The following UNC13C variants were observed in gnomAD, a reference collection of about 807,000 sequenced individuals.
UNC13C encodes protein unc-13 homolog C.
UNC13C carries 174 observed loss-of-function variants against 245.4 expected under a neutral mutation model. That is an observed-to-expected ratio of 0.71 (90% CI 0.63 to 0.80). The LOEUF (loss-of-function observed/expected upper bound fraction) is 0.80. Ranked by LOEUF, UNC13C falls within the 30% of genes least tolerant of loss-of-function variation. The pLI is 0.00. For missense variants in UNC13C, 2,829 were observed against 2,602.9 expected, an observed-to-expected ratio of 1.09 and a Z score of -1.89; for synonymous variants, 992 against 895.1, an observed-to-expected ratio of 1.11 and a Z score of -1.93.
intron 17 of UNC13C, among the ~76,000 whole-genome samples, chr15:54,366,207 ATTTCATCTACATATAATT>A (rs1382806402): frequency 2.0e-5 from 3 of 152,176 alleles, no homozygotes; most frequent in Non-Finnish European, 4.4e-5. Flanking sequence ...TATTGCAGAC[ATTTCATCTACATATAATT>A]TGGGTGGTGC....
the UNC13C span, among the ~76,000 whole-genome samples, chr15:53,842,567 T>C: frequency 6.6e-6 from 1 of 152,144 alleles, no homozygotes; most frequent in East Asian, 1.9e-4. Context: ...AGACTTTCGT[T>C]GAATACATGG....
intron 2 of UNC13C, among the ~76,000 whole-genome samples, chr15:54,038,124 A>ATATATATATATATTTTTTTT: frequency 2.2e-5 from 1 of 45,034 alleles, no homozygotes; most frequent in East Asian, 1.1e-3. Flanking sequence ...ATATATATAT[A>ATATATATATATATTTTTTTT]TTTTTTTTTT....
At position 54,500,705 on chromosome 15, in the gene UNC13C, T is replaced by C. The variant is rs79847884; in HGVS notation, c.5158-130T>C. 3.6e-3 allele frequency: 2,588 copies of C among 711,720 alleles called. 51 individuals carry two copies. In the African/African-American group the frequency reaches 0.039, roughly 11 times the overall value. 44.1% of individuals were successfully genotyped at this position (711,720 alleles called of 1,614,324 possible). A position where few individuals can be genotyped will look rare whatever the true frequency, so the allele number is the denominator to read the frequency against. On this transcript the variant is annotated intron_variant, in intron 21 of 32. Coordinates refer to ENST00000260323, the MANE Select transcript of UNC13C (RefSeq NM_001080534.3). ...AGGAGATTAATGATTTTAAAGTGGG[T>C]AAGCATTTTATTACTGGGAAATGTA...
chr15:53,933,930 G>T, the UNC13C span, among the ~76,000 whole-genome samples: 1 of 152,176 alleles, frequency 6.6e-6, no homozygotes, highest in Non-Finnish European at 1.5e-5. Flanking sequence ...AAAGGAAAGA[G>T]TTTTAATTGG....
rs902541806 is a variant in UNC13C at position 54,132,728 on chromosome 15, C to A, written c.2984-10290C>A. 9.8e-5 allele frequency among the ~76,000 whole-genome samples: 15 copies of A among 152,300 alleles called. No individual in the cohort carries two copies. In the East Asian group the frequency reaches 2.9e-3, roughly 30 times the overall value. On this transcript the variant is annotated intron_variant, in intron 2 of 32. Coordinates refer to ENST00000260323, the MANE Select transcript of UNC13C (RefSeq NM_001080534.3). Reference sequence around the variant, plus strand: ...TGTGATGACTTTCAGGCATACTACACATGTATCAAAGTCGTATCTCTTTTA... The same window carrying A: ...TGTGATGACTTTCAGGCATACTACAAATGTATCAAAGTCGTATCTCTTTTA...
At chr15:53,839,303 T>C in the UNC13C span, among the ~76,000 whole-genome samples, 1 of 152,230 alleles carries the variant, frequency 6.6e-6, no homozygotes, top group South Asian at 2.1e-4. Flanking sequence ...ATGAACAGGA[T>C]GAAAGGGCAA....
chr15:54,425,720 AT>A (rs1215373763), intron 19 of UNC13C, among the ~76,000 whole-genome samples: 2 of 151,796 alleles, frequency 1.3e-5, no homozygotes, highest in South Asian at 4.1e-4. Context: ...CTAGCCAGCT[AT>A]TTTTTCCTCT....
intron 8 of UNC13C, among the ~76,000 whole-genome samples, chr15:54,263,020 G>T (rs2036465783): frequency 6.6e-6 from 1 of 152,024 alleles, no homozygotes; most frequent in African/African-American, 2.4e-5. Flanking sequence ...TTTTATTGTA[G>T]AAATTGTGCT....
intron 25 of UNC13C, among the ~76,000 whole-genome samples, chr15:54,531,871 C>T (rs1291759626): frequency 1.3e-5 from 2 of 152,078 alleles, no homozygotes; most frequent in East Asian, 3.9e-4. Flanking sequence ...CACTAATCTC[C>T]TTTCTGTCTC....
At chr15:53,843,122 A>G in the UNC13C span, among the ~76,000 whole-genome samples, 4 of 152,086 alleles carry the variant, frequency 2.6e-5, no homozygotes, top group Non-Finnish European at 5.9e-5. Context: ...CTATTTCTGA[A>G]CAATGAATTG....
At chr15:54,339,484 C>T (rs778321676) in intron 17 of UNC13C, among the ~76,000 whole-genome samples, 1 of 152,104 alleles carries the variant, frequency 6.6e-6, no homozygotes, top group Non-Finnish European at 1.5e-5. Flanking sequence ...ACCCTCATAG[C>T]TTAGCTCCCA....
chr15:53,937,315 C>G, the UNC13C span, among the ~76,000 whole-genome samples: 1 of 152,022 alleles, frequency 6.6e-6, no homozygotes, highest in Non-Finnish European at 1.5e-5. Flanking sequence ...TGAAAAAAGA[C>G]AGGCAGGCAA....
intron 26 of UNC13C, among the ~76,000 whole-genome samples, chr15:54,539,122 G>C (rs1408598299): frequency 6.6e-6 from 1 of 151,930 alleles, no homozygotes; most frequent in South Asian, 2.1e-4. Flanking sequence ...AATAGGTAAG[G>C]ATAAAAAAGA....
At chr15:53,968,521 A>T in the UNC13C span, among the ~76,000 whole-genome samples, 14 of 152,240 alleles carry the variant, frequency 9.2e-5, no homozygotes, top group African/African-American at 3.4e-4. Context: ...GGTTCTTAGT[A>T]TATTCACTGA....
At chr15:54,569,894 C>G (rs1195034870) in intron 30 of UNC13C, among the ~76,000 whole-genome samples, 1 of 151,762 alleles carries the variant, frequency 6.6e-6, no homozygotes, top group East Asian at 1.9e-4. Context: ...CTTGTGGAAA[C>G]TTATTTCCAC....
At chr15:54,518,678 C>T (rs1156254901) in intron 24 of UNC13C, among the ~76,000 whole-genome samples, 1 of 152,142 alleles carries the variant, frequency 6.6e-6, no homozygotes, top group Non-Finnish European at 1.5e-5. Flanking sequence ...GAGATAATGG[C>T]TCACAGAGAA....
intron 1 of UNC13C, among the ~76,000 whole-genome samples, chr15:54,007,229 G>A (rs113491602): frequency 1.3e-5 from 2 of 152,118 alleles, no homozygotes; most frequent in Admixed American, 6.6e-5. Context: ...TCCAGGACAC[G>A]TAACACAACT....
At chr15:53,844,725 G>A in the UNC13C span, among the ~76,000 whole-genome samples, 35 of 152,190 alleles carry the variant, frequency 2.3e-4, no homozygotes, top group African/African-American at 7.7e-4. Flanking sequence ...TAAGAAAAAA[G>A]AGATCAGGGA....
intron 30 of UNC13C, among the ~76,000 whole-genome samples, chr15:54,612,016 A>G (rs1434835361): frequency 6.6e-6 from 1 of 152,128 alleles, no homozygotes; most frequent in East Asian, 1.9e-4. Context: ...TTACTCAGCA[A>G]TTACAAAATA....
Sources: allele counts gnomAD v4.1 joint callset (sites outside exome capture counted in the v4.1 genomes callset), GRCh38; gene constraint gnomAD v4.1.1; transcripts MANE v1.5; gene names NCBI Gene and HGNC (gene_info 2026-07-23, HGNC 2026-07-21).